GRIK4: variants seen among roughly 807,000 people sequenced by gnomAD.
GRIK4 encodes glutamate receptor ionotropic, kainate 4.
GRIK4 carries 40 observed loss-of-function variants against 104.9 expected under a neutral mutation model. The observed-to-expected ratio is 0.38, with a 90% CI of 0.30 to 0.50. The LOEUF (loss-of-function observed/expected upper bound fraction) is 0.50, where lower values mean the gene tolerates loss of function less well. Among genes scored for constraint, GRIK4 ranks in the 20% least tolerant of loss-of-function variants. The pLI is 0.93. For missense variants in GRIK4, 1,047 were observed against 1,308.1 expected, an observed-to-expected ratio of 0.80 and a Z score of 3.08; for synonymous variants, 485 against 524.9, an observed-to-expected ratio of 0.92 and a Z score of 1.04.
At position 120,939,927 on chromosome 11, in the gene GRIK4, C is replaced by T. The variant is rs570353078; in HGVS notation, c.1477-420C>T. Reference sequence around the variant, plus strand: ...CTCAGGAGGCAGAGGTTGCGGCGAGCCGAGATGGCGCCACTGCACTCCAGC... The same window carrying T: ...CTCAGGAGGCAGAGGTTGCGGCGAGTCGAGATGGCGCCACTGCACTCCAGC... On this transcript the variant is annotated intron_variant, in intron 13 of 20. Coordinates refer to ENST00000527524, the MANE Select transcript of GRIK4 (RefSeq NM_014619.5). The surrounding 1 kb of genome is among the most constrained non-coding windows in gnomAD (Gnocchi z 5.6). Among the ~76,000 whole-genome samples the T allele has an allele frequency of 6.6e-5, 10 of 151,982 alleles. No individual in the cohort carries two copies. The highest frequency in any genetic ancestry group is 1.9e-4 in the African/African-American group (8 of 41,444).
chr11:120,672,686 T>G (rs1950040049), intron 3 of GRIK4, among the ~76,000 whole-genome samples: 1 of 152,070 alleles, frequency 6.6e-6, no homozygotes. Context: ...ATTCTCTTTG[T>G]AGCAATTGTG....
At chr11:120,890,247 A>G (rs1012073090) in intron 11 of GRIK4, among the ~76,000 whole-genome samples, 2 of 152,208 alleles carry the variant, frequency 1.3e-5, no homozygotes, top group African/African-American at 2.4e-5. Context: ...ATTTATTTCC[A>G]GATGGAGAAG....
At chr11:120,652,429 A>C (rs1949632689) in intron 1 of GRIK4, among the ~76,000 whole-genome samples, 1 of 152,080 alleles carries the variant, frequency 6.6e-6, no homozygotes, top group Non-Finnish European at 1.5e-5. Flanking sequence ...GTGCTGCCCA[A>C]CTGCATTAGG....
chr11:120,758,230 T>TG (rs1171567782), intron 3 of GRIK4, among the ~76,000 whole-genome samples: 1 of 152,230 alleles, frequency 6.6e-6, no homozygotes, highest in Non-Finnish European at 1.5e-5. Flanking sequence ...CCTGAGGACC[T>TG]GGGGGGCCCC....
intron 20 of GRIK4, 67 bp from the exon 21 acceptor site, chr11:120,985,837 G>C: frequency 6.2e-6 from 9 of 1,440,316 alleles, no homozygotes; most frequent in Non-Finnish European, 8.6e-6. Flanking sequence ...CCTCATCCCA[G>C]CGGACTCGCA....
intron 1 of GRIK4, among the ~76,000 whole-genome samples, chr11:120,588,216 G>A (rs1396324809): frequency 6.6e-6 from 1 of 152,188 alleles, no homozygotes; most frequent in Non-Finnish European, 1.5e-5. Context: ...AGGTGAAATA[G>A]CTTCTGGCCC....
Position 120,912,255 on chromosome 11 carries a change from T to C in GRIK4, c.1476+6762T>C, listed in dbSNP as rs375714650. Among the ~76,000 whole-genome samples, 3 of 152,212 alleles carry C rather than the reference T, an allele frequency of 2.0e-5. No homozygotes were observed. The East Asian group carries it at 5.8e-4, about 29-fold the overall frequency. ...GGAGGAGAGAGAGGATGCATTTAGC[T>C]TTGGAAATGGTAAGTTTGAGGTGCC... On this transcript the variant is annotated intron_variant, in intron 13 of 20. Coordinates refer to ENST00000527524, the MANE Select transcript of GRIK4 (RefSeq NM_014619.5).
chr11:120,976,403 G>A (rs1211347266), intron 19 of GRIK4, among the ~76,000 whole-genome samples: 2 of 152,144 alleles, frequency 1.3e-5, no homozygotes, highest in African/African-American at 4.8e-5. Context: ...CAAACTTACC[G>A]TTTCAACATG....
At position 120,746,804 on chromosome 11, in the gene GRIK4, C is replaced by A. The variant is rs140124717; in HGVS notation, c.83-55889C>A. Among the ~76,000 whole-genome samples, 736 of 152,258 alleles carry A rather than the reference C, an allele frequency of 4.8e-3. 9 individuals are homozygous for A. Among genetic ancestry groups the A allele is most frequent in the African/African-American group, 0.017 (694 of 41,532 alleles). ...TCAGGTTTCCCATCTTTTCTAAGCA[C>A]GTCACTCAGTAGGATTTCAAATACA... On this transcript the variant is annotated intron_variant, in intron 3 of 20. Coordinates refer to ENST00000527524, the MANE Select transcript of GRIK4 (RefSeq NM_014619.5).
chr11:120,971,088 A>G (rs981968127), intron 19 of GRIK4, among the ~76,000 whole-genome samples: 1 of 152,234 alleles, frequency 6.6e-6, no homozygotes, highest in African/African-American at 2.4e-5. Context: ...AACGAATTTT[A>G]TTCCAAAATC....
chr11:120,586,952 G>A (rs898459207), intron 1 of GRIK4, among the ~76,000 whole-genome samples: 1 of 152,190 alleles, frequency 6.6e-6, no homozygotes, highest in African/African-American at 2.4e-5. Flanking sequence ...GGCCTAATCA[G>A]ACCCTGTCAG....
intron 1 of GRIK4, among the ~76,000 whole-genome samples, chr11:120,535,098 G>A (rs1244169272): frequency 6.6e-6 from 1 of 152,194 alleles, no homozygotes; most frequent in Non-Finnish European, 1.5e-5. Flanking sequence ...TAAATACCAT[G>A]GTCAATTTTA....
chr11:120,737,395 G>A (rs1951244986), intron 3 of GRIK4, among the ~76,000 whole-genome samples: 3 of 152,190 alleles, frequency 2.0e-5, no homozygotes, highest in Admixed American at 2.0e-4. Context: ...CAGGCATTGT[G>A]TGTTCCTAAT....
intron 3 of GRIK4, among the ~76,000 whole-genome samples, chr11:120,776,312 A>T (rs1400552680): frequency 6.6e-6 from 1 of 152,154 alleles, no homozygotes; most frequent in Non-Finnish European, 1.5e-5. Flanking sequence ...GAGCCGGAGG[A>T]AGGGCTGTGT....
At chr11:120,541,691 C>T (rs1948038376) in intron 1 of GRIK4, among the ~76,000 whole-genome samples, 1 of 152,018 alleles carries the variant, frequency 6.6e-6, no homozygotes, top group South Asian at 2.1e-4. Flanking sequence ...CAGGGTTTTG[C>T]CATGTTGCTT....
At chr11:120,804,508 T>C (rs1018388578) in intron 4 of GRIK4, among the ~76,000 whole-genome samples, 3 of 152,312 alleles carry the variant, frequency 2.0e-5, no homozygotes, top group Admixed American at 2.0e-4. Flanking sequence ...CTTCCCTCTC[T>C]CTTAGTTTGG....
chr11:120,707,059 G>A (rs1319078419), intron 3 of GRIK4, among the ~76,000 whole-genome samples: 2 of 152,192 alleles, frequency 1.3e-5, no homozygotes, highest in Non-Finnish European at 2.9e-5. Context: ...GAGCCTTTTT[G>A]TTTTCATCAA....
chr11:120,660,790 GGA>G (rs1026916691), intron 3 of GRIK4, among the ~76,000 whole-genome samples: 25 of 152,272 alleles, frequency 1.6e-4, no homozygotes, highest in African/African-American at 5.8e-4. Flanking sequence ...AAGGCTTCCT[GGA>G]GAGAGTGCTA....
intron 19 of GRIK4, among the ~76,000 whole-genome samples, chr11:120,969,325 G>A (rs1328035464): frequency 6.6e-6 from 1 of 152,168 alleles, no homozygotes; most frequent in Non-Finnish European, 1.5e-5. Context: ...TGGATAGAAT[G>A]AACTGGATTT....
Sources: allele counts gnomAD v4.1 joint callset (sites outside exome capture counted in the v4.1 genomes callset), GRCh38; gene constraint gnomAD v4.1.1; non-coding constraint Gnocchi (gnomAD v3.1); transcripts MANE v1.5; gene names NCBI Gene and HGNC (gene_info 2026-07-23, HGNC 2026-07-21).